ABAT: variants seen among roughly 807,000 people sequenced by gnomAD.
The protein encoded by ABAT is 4-aminobutyrate aminotransferase, mitochondrial.
ABAT carries 45 observed loss-of-function variants against 64.6 expected under a neutral mutation model. The ratio of observed to expected loss-of-function variants is 0.70; its 90% CI spans 0.55 to 0.89. The LOEUF (loss-of-function observed/expected upper bound fraction) is 0.89. ABAT is among the 40% of genes least tolerant of loss of function. ABAT has a pLI of 0.00. For synonymous variants in ABAT, 297 were observed against 250.5 expected (o/e 1.19, Z -1.75); for missense variants, 633 against 658.4 (o/e 0.96, Z 0.42).
intron 9 of ABAT, among the ~76,000 whole-genome samples, chr16:8,767,373 G>A (rs185585460): frequency 6.6e-6 from 1 of 152,286 alleles, no homozygotes; most frequent in Non-Finnish European, 1.5e-5. Flanking sequence ...GGGTTTTCCT[G>A]CAAGGTGCCC....
intron 1 of ABAT, among the ~76,000 whole-genome samples, chr16:8,696,873 T>C (rs182677491): frequency 1.1e-4 from 16 of 152,282 alleles, no homozygotes; most frequent in Admixed American, 8.5e-4. Flanking sequence ...TGAACATTCA[T>C]TGATTTTAAT....
At chr16:8,769,882 C>T (rs915626299) in intron 11 of ABAT, among the ~76,000 whole-genome samples, 3 of 152,112 alleles carry the variant, frequency 2.0e-5, no homozygotes, top group Non-Finnish European at 4.4e-5. Context: ...AATAAGGCTG[C>T]TGGTTTTTTT....
intron 1 of ABAT, 108 bp from the exon 2 acceptor site, chr16:8,735,591 A>C: frequency 1.1e-6 from 1 of 936,498 alleles, no homozygotes; most frequent in South Asian, 1.4e-5. Flanking sequence ...GCATTTGACA[A>C]TGTCAGAAGA....
rs577282645 is a variant in ABAT at position 8,764,666 on chromosome 16, G to A, written c.448-72G>A. On this transcript the variant is annotated intron_variant, in intron 7 of 15. Coordinates refer to ENST00000268251, the MANE Select transcript of ABAT (RefSeq NM_020686.6). This position sits in a 1 kb window ranked among gnomAD's most constrained non-coding sequence, Gnocchi z 4.2. The stretch of plus-strand genomic sequence containing the variant: ...CCGGTACGGCCCCTGCGAAGATTCA[G>A]CTCCAGCCAGGGGAAGCGGGAGGAC... 1.4e-6 allele frequency: 2 copies of A among 1,410,824 alleles called. No homozygotes were observed. The highest frequency in any genetic ancestry group is 2.3e-5 in the East Asian group (1 of 43,864). The allele number at this position is 1,410,824 out of a possible 1,614,324, so 87.4% of individuals were successfully genotyped here. A position where few individuals can be genotyped will look rare whatever the true frequency, so the allele number is the denominator to read the frequency against.
intron 5 of ABAT, among the ~76,000 whole-genome samples, chr16:8,751,818 C>T (rs982341533): frequency 2.6e-5 from 4 of 152,166 alleles, no homozygotes; most frequent in Admixed American, 2.0e-4. Flanking sequence ...AGCCTCGCCT[C>T]CCAGCCATAT....
At chr16:8,688,085 G>C (rs985599820) in intron 1 of ABAT, among the ~76,000 whole-genome samples, 1 of 142,118 alleles carries the variant, frequency 7.0e-6, no homozygotes, top group African/African-American at 2.6e-5. Flanking sequence ...TATTTTTTTT[G>C]TAGAGGCAAG....
intron 5 of ABAT, among the ~76,000 whole-genome samples, chr16:8,750,779 C>A (rs955638079): frequency 6.6e-6 from 1 of 152,112 alleles, no homozygotes; most frequent in Non-Finnish European, 1.5e-5. Context: ...TTAATATCCC[C>A]ATTTTGCAGA....
chr16:8,731,230 C>T (rs1007327682), intron 1 of ABAT, among the ~76,000 whole-genome samples: 7 of 152,138 alleles, frequency 4.6e-5, no homozygotes, highest in African/African-American at 1.4e-4. Context: ...CCCAAAATTC[C>T]GGGATTACAG....
chr16:8,710,860 T>C (rs1374578648), intron 1 of ABAT, among the ~76,000 whole-genome samples: 1 of 152,190 alleles, frequency 6.6e-6, no homozygotes, highest in Non-Finnish European at 1.5e-5. Context: ...CTTCACTCTC[T>C]GGTTAGGTGG....
chr16:8,712,256 C>A (rs865961008), intron 1 of ABAT, among the ~76,000 whole-genome samples: 1 of 152,040 alleles, frequency 6.6e-6, no homozygotes, highest in Non-Finnish European at 1.5e-5. Flanking sequence ...AAAGAAATTA[C>A]TATTTTTGTT....
In ABAT at chr16:8,691,172, C is replaced by G. The variant is rs549525622; in HGVS notation, c.-42+16461C>G. 7.9e-5 allele frequency among the ~76,000 whole-genome samples: 12 copies of G among 152,280 alleles called. No individual in the cohort carries two copies. In the East Asian group the frequency reaches 2.3e-3, roughly 29 times the overall value. The stretch of plus-strand genomic sequence containing the variant: ...CCACACCTCCTCTGTTTATTATCTA[C>G]TTAGTGCTTGGTAATATACTGTGTA... On this transcript the variant is annotated intron_variant, in intron 1 of 15. Transcript: ENST00000268251.
intron 5 of ABAT, among the ~76,000 whole-genome samples, chr16:8,753,810 C>T (rs2059561727): frequency 6.6e-6 from 1 of 152,160 alleles, no homozygotes. Flanking sequence ...AAGGCTGTCT[C>T]ATCCGTCTTC....
chr16:8,693,003 A>G (rs1174253487), intron 1 of ABAT, among the ~76,000 whole-genome samples: 1 of 152,026 alleles, frequency 6.6e-6, no homozygotes, highest in African/African-American at 2.4e-5. Flanking sequence ...ACAGGTGCAC[A>G]CCACCACATC....
Position 8,773,158 on chromosome 16 carries a change from ATTTT to A in ABAT, c.954+249_954+252del, listed in dbSNP as rs57095363. Reference sequence around the variant, plus strand: ...CACACACACACACACATATATATATATTTTTTTTTTTGAGACAGAGTCTCACTCT... The same window carrying A: ...CACACACACACACACATATATATATATTTTTTTGAGACAGAGTCTCACTCT... On this transcript the variant is annotated intron_variant, in intron 12 of 15. Transcript: ENST00000268251. Among the ~76,000 whole-genome samples the A allele has an allele frequency of 6.8e-3, 863 of 126,846 alleles. 9 individuals carry two copies. The highest frequency in any genetic ancestry group is 0.02 in the African/African-American group (616 of 30,484). 83.2% of individuals were successfully genotyped at this position (126,846 alleles called of 152,430 possible). A position where few individuals can be genotyped will look rare whatever the true frequency, so the allele number is the denominator to read the frequency against.
intron 5 of ABAT, among the ~76,000 whole-genome samples, chr16:8,752,634 G>A (rs916767759): frequency 2.0e-5 from 3 of 152,100 alleles, no homozygotes; most frequent in South Asian, 2.1e-4. Flanking sequence ...AGTCATGCTG[G>A]TGCATGCCTG....
At chr16:8,777,821 A>G (rs12445687) in intron 14 of ABAT, among the ~76,000 whole-genome samples, 15,062 of 152,164 alleles carry the variant, frequency 0.099, 1,028 homozygotes, top group African/African-American at 0.19. Flanking sequence ...GGATTCAAGA[A>G]TGTGCCCACT....
At chr16:8,746,938 T>C (rs2059349981) in intron 3 of ABAT, among the ~76,000 whole-genome samples, 1 of 152,194 alleles carries the variant, frequency 6.6e-6, no homozygotes, top group South Asian at 2.1e-4. Context: ...TGGCTGTTGG[T>C]TGATCTAGGT....
chr16:8,688,713 G>A (rs56085199), intron 1 of ABAT, among the ~76,000 whole-genome samples: 48,805 of 151,722 alleles, frequency 0.32, 8,240 homozygotes, highest in East Asian at 0.62. Context: ...TCAGCCTCCT[G>A]AAGTGCCGGG....
chr16:8,740,396 C>T (rs1288256580), intron 2 of ABAT, among the ~76,000 whole-genome samples: 2 of 152,298 alleles, frequency 1.3e-5, no homozygotes, highest in South Asian at 2.1e-4. Context: ...GATGGCTCAA[C>T]TTGGCGGTTG....
Sources: gnomAD v4.1 joint callset for allele counts (sites outside exome capture counted in the v4.1 genomes callset) on GRCh38, gnomAD v4.1.1 for gene constraint, Gnocchi (gnomAD v3.1) non-coding constraint, MANE v1.5 for transcripts, NCBI Gene and HGNC (gene_info 2026-07-23, HGNC 2026-07-21) for gene names.